CNPY1: variants seen among roughly 807,000 people sequenced by gnomAD.
The protein encoded by CNPY1 is canopy FGF signaling regulator 1.
A neutral mutation model predicts 14.4 loss-of-function variants in CNPY1; 14 were observed. The observed-to-expected ratio is 0.97, with a 90% confidence interval of 0.64 to 1.52. The LOEUF is 1.52. CNPY1 is among the 40% of genes most tolerant of loss of function. CNPY1 has a pLI of 0.00. For synonymous variants in CNPY1, 43 were observed against 46.5 expected, an observed-to-expected ratio of 0.92 and a Z score of 0.31; for missense variants, 129 against 131.5, an observed-to-expected ratio of 0.98 and a Z score of 0.09.
At chr7:155,526,201 C>G (rs1177831040) in intron 2 of CNPY1, among the ~76,000 whole-genome samples, 2 of 152,184 alleles carry the variant, frequency 1.3e-5, no homozygotes, top group African/African-American at 4.8e-5. Context: ...AAAAAAGTGA[C>G]ACAGTGTCAT....
intron 2 of CNPY1, among the ~76,000 whole-genome samples, chr7:155,522,367 C>T (rs1026877353): frequency 6.6e-6 from 1 of 152,266 alleles, no homozygotes; most frequent in Non-Finnish European, 1.5e-5. Flanking sequence ...CATCATGTGG[C>T]GCACACTCTG....
At chr7:155,529,060 C>CA (rs71990734) in intron 2 of CNPY1, among the ~76,000 whole-genome samples, 107,637 of 145,196 alleles carry the variant, frequency 0.74, 40,898 homozygotes, top group East Asian at 0.96. Context: ...GACTCCATAT[C>CA]AAAAAAAAAA....
intron 2 of CNPY1, among the ~76,000 whole-genome samples, chr7:155,545,616 G>A (rs528098800): frequency 2.9e-4 from 44 of 152,200 alleles, no homozygotes; most frequent in Non-Finnish European, 5.3e-4. Flanking sequence ...AATGTCTTTC[G>A]ACTTGACGAG....
At chr7:155,527,791 G>T (rs1796856830) in intron 2 of CNPY1, among the ~76,000 whole-genome samples, 1 of 152,138 alleles carries the variant, frequency 6.6e-6, no homozygotes, top group Non-Finnish European at 1.5e-5. Context: ...AACCCACATA[G>T]AGTAATGAGA....
At chr7:155,533,312 G>C (rs1456614205) in intron 2 of CNPY1, among the ~76,000 whole-genome samples, 2 of 152,230 alleles carry the variant, frequency 1.3e-5, no homozygotes, top group Non-Finnish European at 2.9e-5. Flanking sequence ...AGTCTGCTCG[G>C]ATGTGCCGGC....
chr7:155,531,907 G>A (rs1490862869), intron 2 of CNPY1, among the ~76,000 whole-genome samples: 1 of 152,208 alleles, frequency 6.6e-6, no homozygotes, highest in Non-Finnish European at 1.5e-5. Context: ...CAGCCCGGAA[G>A]CAACAGCAAG....
intron 2 of CNPY1, among the ~76,000 whole-genome samples, chr7:155,523,224 C>T (rs1329216169): frequency 6.6e-6 from 1 of 152,168 alleles, no homozygotes; most frequent in Non-Finnish European, 1.5e-5. Flanking sequence ...CATCTAATAC[C>T]AGGCTTGGGA....
intron 2 of CNPY1, among the ~76,000 whole-genome samples, chr7:155,525,501 T>C (rs1317809480): frequency 6.6e-6 from 1 of 152,186 alleles, no homozygotes; most frequent in Non-Finnish European, 1.5e-5. Context: ...CTAAATGCAA[T>C]GTTTCCCCCT....
At chr7:155,537,024 T>C (rs775548895) in intron 2 of CNPY1, among the ~76,000 whole-genome samples, 2 of 152,220 alleles carry the variant, frequency 1.3e-5, no homozygotes, top group Non-Finnish European at 1.5e-5. Flanking sequence ...GACCAGAGCA[T>C]CCATCTGTTG....
chr7:155,546,526 G>C lies in CNPY1; in HGVS notation c.-112C>G, dbSNP rs1409531229. The C allele has an allele frequency of 1.1e-5, 1 of 94,080 alleles. No individual in the cohort carries two copies. Among genetic ancestry groups the C allele is most frequent in the African/African-American group, 7.2e-5 (1 of 13,818 alleles). 5.8% of individuals were successfully genotyped at this position (94,080 alleles called of 1,614,324 possible). On this transcript the variant is annotated 5_prime_UTR_variant, in exon 1 of 5. Transcript: ENST00000636446. Reference sequence around the variant, plus strand: ...ATTCATTTATTTATTTTTTGAGACAGAGTCTTGCTCTGTCACCCAGGCTGG... The same window carrying C: ...ATTCATTTATTTATTTTTTGAGACACAGTCTTGCTCTGTCACCCAGGCTGG...
chr7:155,506,937 G>A (rs1004815444), intron 4 of CNPY1, 83 bp downstream of exon 4: 10 of 887,966 alleles, frequency 1.1e-5, no homozygotes, highest in Admixed American at 7.6e-5. Flanking sequence ...AGCGAGGCTC[G>A]GTCTGCAAAC....
intron 2 of CNPY1, among the ~76,000 whole-genome samples, chr7:155,526,369 A>G (rs927813763): frequency 1.3e-5 from 2 of 152,246 alleles, no homozygotes; most frequent in East Asian, 3.8e-4. Context: ...TTTGTGTAAC[A>G]AACGGCTGGC....
chr7:155,546,079 T>C, intron 1 of CNPY1, 136 bp from the exon 2 acceptor site: 1 of 397,674 alleles, frequency 2.5e-6, no homozygotes, highest in Non-Finnish European at 4.4e-6. Flanking sequence ...GGAGGACTCT[T>C]GTCCTCTGCA....
chr7:155,533,139 C>T (rs1409233416), intron 2 of CNPY1, among the ~76,000 whole-genome samples: 1 of 152,214 alleles, frequency 6.6e-6, no homozygotes, highest in Non-Finnish European at 1.5e-5. Context: ...ACAACATCTG[C>T]GTGGCTCACA....
At chr7:155,519,522 A>AAAATAAAT (rs58372261) in intron 2 of CNPY1, among the ~76,000 whole-genome samples, 2,816 of 141,042 alleles carry the variant, frequency 0.02, 49 homozygotes, top group African/African-American at 0.042. Flanking sequence ...CCCTGTCTCA[A>AAAATAAAT]AAATAAATAA....
chr7:155,530,205 C>T (rs1292886456), intron 2 of CNPY1, among the ~76,000 whole-genome samples: 10 of 151,952 alleles, frequency 6.6e-5, no homozygotes, highest in Admixed American at 6.6e-4. Flanking sequence ...GCTGATGTGT[C>T]TCTCTCCACA....
At position 155,523,022 on chromosome 7, in the gene CNPY1, T is replaced by C. The variant is rs117538615; in HGVS notation, c.100-13925A>G. Among the ~76,000 whole-genome samples the C allele has an allele frequency of 9.7e-3, 1,479 of 152,224 alleles. 10 individuals carry two copies. Among genetic ancestry groups the C allele is most frequent in the Admixed American group, 0.016 (251 of 15,292 alleles). ...AAAACACTGCAATCCTCTAAACACATCCCATTATCCTCCATTCTTTACCCG... is the reference window on the plus strand; with the variant it reads ...AAAACACTGCAATCCTCTAAACACACCCCATTATCCTCCATTCTTTACCCG... On this transcript the variant is annotated intron_variant, in intron 2 of 4. Transcript: ENST00000636446.
At chr7:155,542,137 T>TA (rs1192406042) in intron 2 of CNPY1, among the ~76,000 whole-genome samples, 1 of 150,952 alleles carries the variant, frequency 6.6e-6, no homozygotes, top group Non-Finnish European at 1.5e-5. Context: ...ACCCCTGCTG[T>TA]AGGGCCTGAG....
chr7:155,536,263 C>T lies in CNPY1; in HGVS notation c.99+9568G>A, dbSNP rs1797021667. Among the ~76,000 whole-genome samples, 1 of 152,136 alleles carries T rather than the reference C, an allele frequency of 6.6e-6. No individual in the cohort carries two copies. Among genetic ancestry groups the T allele is most frequent in the Non-Finnish European group, 1.5e-5 (1 of 68,024 alleles). On this transcript the variant is annotated intron_variant, in intron 2 of 4. Coordinates refer to ENST00000636446, the MANE Select transcript of CNPY1 (RefSeq NM_001393663.1). This position sits in a 1 kb window ranked among gnomAD's most constrained non-coding sequence, Gnocchi z 4.1. Reference sequence around the variant, plus strand: ...GCTGTGGATGACTGATCACCCACTGCAGCAGACAGGTCCTGGGCGGGGCTG... The same window carrying T: ...GCTGTGGATGACTGATCACCCACTGTAGCAGACAGGTCCTGGGCGGGGCTG...
Sources: gnomAD v4.1 joint callset for allele counts (sites outside exome capture counted in the v4.1 genomes callset) on GRCh38, gnomAD v4.1.1 for gene constraint, Gnocchi (gnomAD v3.1) non-coding constraint, MANE v1.5 for transcripts, NCBI Gene and HGNC (gene_info 2026-07-23, HGNC 2026-07-21) for gene names.